GRID1: variants seen among roughly 807,000 people sequenced by gnomAD.
GRID1 encodes glutamate receptor ionotropic, delta-1.
In GRID1, 28 loss-of-function variants were observed where a neutral mutation model predicts 98.0. The ratio of observed to expected loss-of-function variants is 0.29; its 90% CI spans 0.21 to 0.39. The LOEUF is 0.39. GRID1 is among the 10% of genes least tolerant of loss of function. GRID1 has a pLI of 1.00. For missense variants in GRID1, 1,111 were observed against 1,340.5 expected (o/e 0.83, Z 2.67); for synonymous variants, 553 against 538.5 (o/e 1.03, Z -0.37).
At chr10:85,857,467 GAGA>G (rs1281418584) in intron 6 of GRID1, among the ~76,000 whole-genome samples, 2 of 152,102 alleles carry the variant, frequency 1.3e-5, no homozygotes, top group South Asian at 2.1e-4. Context: ...CCCAATGGGG[GAGA>G]AGGACAGCTC....
At chr10:86,067,714 C>G (rs1843740616) in intron 4 of GRID1, among the ~76,000 whole-genome samples, 1 of 152,212 alleles carries the variant, frequency 6.6e-6, no homozygotes, top group African/African-American at 2.4e-5. Context: ...GAAGGCTATG[C>G]CCTCCAACTG....
At position 85,724,471 on chromosome 10, in the gene GRID1, A is replaced by G. The variant is rs1228789463; in HGVS notation, c.1739T>C (p.Ile580Thr). Residue 580 changes from isoleucine (I) to threonine (T), a missense_variant, in exon 11 of 16, where the codon ATA becomes ACA. By Grantham distance (89) the Ile-to-Thr change is moderately conservative. This residue lies in a region of GRID1 where 762 missense variants were observed against 869.1 expected (regional missense o/e 0.88). Transcript: ENST00000327946. ...AGCCTGTATCCTGTTCAACACAAATATCAGCACACCAACCACAGGGATGGC... is the reference window on the plus strand; with the variant it reads ...AGCCTGTATCCTGTTCAACACAAATGTCAGCACACCAACCACAGGGATGGC... ...AAAIPVVGVLIFVLNRIQAVR... is the reference protein window; with the variant it reads ...AAAIPVVGVLTFVLNRIQAVR... 5.0e-6 allele frequency: 8 copies of G among 1,614,164 alleles called. No homozygotes were observed. Among genetic ancestry groups the G allele is most frequent in the African/African-American group, 1.3e-5 (1 of 75,038 alleles).
At chr10:85,871,582 C>T (rs1843278767) in intron 5 of GRID1, among the ~76,000 whole-genome samples, 1 of 152,174 alleles carries the variant, frequency 6.6e-6, no homozygotes, top group Admixed American at 6.5e-5. Context: ...AATCTTTCTC[C>T]TTGCATGTGA....
intron 13 of GRID1, among the ~76,000 whole-genome samples, chr10:85,623,761 C>T (rs999248323): frequency 1.3e-5 from 2 of 152,218 alleles, no homozygotes; most frequent in Non-Finnish European, 2.9e-5. Context: ...TCTTGCCTTG[C>T]TCCATCCCTT....
intron 8 of GRID1, among the ~76,000 whole-genome samples, chr10:85,740,690 C>G (rs904575145): frequency 2.0e-5 from 3 of 152,044 alleles, no homozygotes; most frequent in African/African-American, 4.8e-5. Flanking sequence ...CCTGACCATA[C>G]CCCTGTGGAA....
At chr10:86,080,433 G>GAA (rs1843956615) in intron 4 of GRID1, among the ~76,000 whole-genome samples, 1 of 23,810 alleles carries the variant, frequency 4.2e-5, no homozygotes, top group African/African-American at 2.7e-4. Context: ...GGAGGGGAGG[G>GAA]GAGGGGAGGG....
intron 4 of GRID1, among the ~76,000 whole-genome samples, chr10:86,087,129 C>G (rs1844071671): frequency 6.6e-6 from 1 of 152,188 alleles, no homozygotes; most frequent in Non-Finnish European, 1.5e-5. Context: ...GCTTCTGATT[C>G]CTTTGTAATG....
At chr10:86,297,927 T>C (rs191367281) in intron 2 of GRID1, among the ~76,000 whole-genome samples, 5 of 152,320 alleles carry the variant, frequency 3.3e-5, no homozygotes, top group African/African-American at 9.6e-5. Flanking sequence ...CCACATCAAA[T>C]GCTTGTTGAG....
At chr10:85,633,406 C>T (rs571259924) in intron 13 of GRID1, among the ~76,000 whole-genome samples, 92 of 152,284 alleles carry the variant, frequency 6.0e-4, no homozygotes, top group African/African-American at 2.2e-3. Flanking sequence ...TGCTATGTTG[C>T]CTTTAACGGA....
intron 4 of GRID1, among the ~76,000 whole-genome samples, chr10:86,135,740 C>T (rs1844914860): frequency 1.3e-5 from 2 of 151,858 alleles, no homozygotes; most frequent in Admixed American, 6.6e-5. Flanking sequence ...CAGAGCCCCT[C>T]GTGAAGCGGA....
intron 2 of GRID1, among the ~76,000 whole-genome samples, chr10:86,330,626 C>T (rs1848125813): frequency 6.6e-6 from 1 of 152,238 alleles, no homozygotes; most frequent in South Asian, 2.1e-4. Context: ...CAGCGCCGAG[C>T]AGCAAGTAGA....
chr10:85,918,351 A>T (rs1226769111), intron 4 of GRID1, among the ~76,000 whole-genome samples: 1 of 152,052 alleles, frequency 6.6e-6, no homozygotes, highest in East Asian at 1.9e-4. Context: ...GCTGTCACTT[A>T]ACCACTCTGG....
intron 12 of GRID1, among the ~76,000 whole-genome samples, chr10:85,685,698 G>T (rs1819950008): frequency 6.6e-6 from 1 of 152,098 alleles, no homozygotes; most frequent in Admixed American, 6.5e-5. Context: ...TACAGAGATA[G>T]ACAGACCAAA....
At position 85,834,175 on chromosome 10, in the gene GRID1, G is replaced by T. The variant is rs78011593; in HGVS notation, c.1233+20321C>A. On this transcript the variant is annotated intron_variant, in intron 8 of 15. Coordinates refer to ENST00000327946, the MANE Select transcript of GRID1 (RefSeq NM_017551.3). The stretch of plus-strand genomic sequence containing the variant: ...ATAAGCCCAAATAAATCCATGTCAA[G>T]ACATATCATAATAAAACTTCTGAAA... 5.7e-3 allele frequency among the ~76,000 whole-genome samples: 863 copies of T among 152,230 alleles called. 40 individuals carry two copies. In the East Asian group the frequency reaches 0.11, roughly 19 times the overall value.
chr10:86,026,194 G>A (rs572929761), intron 4 of GRID1, among the ~76,000 whole-genome samples: 29 of 152,182 alleles, frequency 1.9e-4, no homozygotes, highest in South Asian at 6.2e-4. Context: ...GGATATAAGC[G>A]CCACACCACA....
chr10:85,953,875 G>A (rs1315995004), intron 4 of GRID1, among the ~76,000 whole-genome samples: 1 of 151,988 alleles, frequency 6.6e-6, no homozygotes, highest in East Asian at 1.9e-4. Context: ...CTTAGTGTGG[G>A]ACAATGTTTT....
intron 12 of GRID1, among the ~76,000 whole-genome samples, chr10:85,683,906 G>T (rs954901303): frequency 6.6e-6 from 1 of 152,014 alleles, no homozygotes; most frequent in African/African-American, 2.4e-5. Context: ...TTCTCTCGCT[G>T]GGCACAAAGG....
intron 12 of GRID1, among the ~76,000 whole-genome samples, chr10:85,677,525 A>G (rs1236509391): frequency 3.3e-5 from 5 of 152,244 alleles, no homozygotes; most frequent in African/African-American, 1.2e-4. Flanking sequence ...TAACCTTTTC[A>G]ACAGCGTTGT....
chr10:85,732,368 A>G (rs1415305940), intron 8 of GRID1, among the ~76,000 whole-genome samples: 5 of 152,206 alleles, frequency 3.3e-5, no homozygotes, highest in Admixed American at 3.3e-4. Flanking sequence ...GATTCGTAAC[A>G]TCTGCTGCCA....
Sources: gnomAD v4.1 joint callset for allele counts (sites outside exome capture counted in the v4.1 genomes callset) on GRCh38, gnomAD v4.1.1 for gene constraint, gnomAD v4.1.1 regional missense constraint, MANE v1.5 for transcripts, NCBI Gene and HGNC (gene_info 2026-07-23, HGNC 2026-07-21) for gene names.